RIT2: variants seen among roughly 807,000 people sequenced by gnomAD.
RIT2 encodes GTP-binding protein Rit2.
In RIT2, 24 loss-of-function variants were observed where a neutral mutation model predicts 23.7. That is an observed-to-expected ratio of 1.01 (90% CI 0.73 to 1.43). The LOEUF (loss-of-function observed/expected upper bound fraction) is 1.43, where lower values mean the gene tolerates loss of function less well. Among genes scored for constraint, RIT2 ranks in the 40% most tolerant of loss-of-function variants. The probability of loss-of-function intolerance (pLI) is 0.00; values close to 1 mark genes in which losing one functional copy is unlikely to be tolerated. For synonymous variants in RIT2, 107 were observed against 91.1 expected, an observed-to-expected ratio of 1.17 and a Z score of -0.99; for missense variants, 236 against 266.9, an observed-to-expected ratio of 0.88 and a Z score of 0.81.
At chr18:42,836,231 T>A (rs1248349297) in intron 4 of RIT2, among the ~76,000 whole-genome samples, 1 of 152,180 alleles carries the variant, frequency 6.6e-6, no homozygotes, top group African/African-American at 2.4e-5. Flanking sequence ...TAAGTCTCCT[T>A]CCTTTCTTGT....
chr18:43,004,377 T>C (rs1598745143), intron 2 of RIT2, among the ~76,000 whole-genome samples: 1 of 152,010 alleles, frequency 6.6e-6, no homozygotes, highest in East Asian at 2.0e-4. Flanking sequence ...AGGTGTTTTA[T>C]GCAAACGTGA....
At chr18:43,094,501 C>G (rs1434287277) in intron 1 of RIT2, among the ~76,000 whole-genome samples, 1 of 151,822 alleles carries the variant, frequency 6.6e-6, no homozygotes, top group South Asian at 2.1e-4. Flanking sequence ...TTCAAGGAAA[C>G]AGGATTTTTA....
At chr18:43,040,122 A>G (rs1449193973) in intron 1 of RIT2, among the ~76,000 whole-genome samples, 1 of 152,140 alleles carries the variant, frequency 6.6e-6, no homozygotes, top group Non-Finnish European at 1.5e-5. Context: ...CACCCATAAA[A>G]CACCTATTGA....
rs1912845307 is a variant in RIT2, at chr18:42,743,577, C to T, written c.570G>A (p.Leu190=). 1 of 1,613,908 alleles carries T rather than the reference C, an allele frequency of 6.2e-7. No homozygotes were observed. The highest frequency in any genetic ancestry group is 1.7e-5 in the Admixed American group (1 of 59,978). Residue 190 remains leucine (L), a synonymous_variant, in exon 5 of 5, where the codon TTG becomes TTA. Transcript: ENST00000326695. ...CTTTTCTCTTCAGTTTCTTTTCCAT[C>T]AAGGATGGCATGGACTCCTTCTTGC... ...EIRKKESMPS[L]MEKKLKRKDS...
chr18:42,968,765 G>A (rs1348072449), intron 3 of RIT2, among the ~76,000 whole-genome samples: 1 of 152,078 alleles, frequency 6.6e-6, no homozygotes, highest in African/African-American at 2.4e-5. Context: ...CTTCTAGATG[G>A]ACTAGGTAAT....
intron 1 of RIT2, among the ~76,000 whole-genome samples, chr18:43,081,747 A>C (rs777599557): frequency 2.0e-5 from 3 of 152,158 alleles, no homozygotes; most frequent in Admixed American, 6.6e-5. Context: ...TTCATGAATA[A>C]CAGATTTATT....
intron 4 of RIT2, among the ~76,000 whole-genome samples, chr18:42,810,459 CT>C (rs377432468): frequency 1.3e-5 from 2 of 150,846 alleles, no homozygotes; most frequent in African/African-American, 4.9e-5. Context: ...TTTTTTTTTC[CT>C]GAAGAGCTTC....
chr18:42,884,882 C>T (rs902080569), intron 4 of RIT2, among the ~76,000 whole-genome samples: 2 of 152,184 alleles, frequency 1.3e-5, no homozygotes, highest in Non-Finnish European at 2.9e-5. Flanking sequence ...TTCCAATCAA[C>T]CTTCTTTAAA....
chr18:42,919,925 A>G (rs976636911), intron 4 of RIT2, among the ~76,000 whole-genome samples: 22 of 152,118 alleles, frequency 1.4e-4, no homozygotes, highest in South Asian at 6.2e-4. Flanking sequence ...GAGCTCAAGG[A>G]CCTAATGTTG....
chr18:42,838,404 G>A (rs1906675266), intron 4 of RIT2, among the ~76,000 whole-genome samples: 2 of 151,906 alleles, frequency 1.3e-5, no homozygotes, highest in African/African-American at 4.8e-5. Context: ...ACTTCTAGAA[G>A]TTCTTCTTCA....
intron 4 of RIT2, among the ~76,000 whole-genome samples, chr18:42,753,669 G>T (rs1349954706): frequency 6.6e-6 from 1 of 152,084 alleles, no homozygotes; most frequent in Admixed American, 6.6e-5. Context: ...AGAAATTTGT[G>T]AACAACACAT....
intron 4 of RIT2, among the ~76,000 whole-genome samples, chr18:42,861,858 T>C (rs761724221): frequency 2.0e-5 from 3 of 152,172 alleles, no homozygotes; most frequent in Non-Finnish European, 4.4e-5. Flanking sequence ...TAGAACACCT[T>C]ATCTCCTTTA....
intron 4 of RIT2, among the ~76,000 whole-genome samples, chr18:42,791,187 A>T (rs1385685452): frequency 6.6e-6 from 1 of 152,214 alleles, no homozygotes; most frequent in African/African-American, 2.4e-5. Context: ...CATATAAGAT[A>T]ATCTAATTTT....
intron 4 of RIT2, among the ~76,000 whole-genome samples, chr18:42,892,909 C>T (rs1908219346): frequency 6.6e-6 from 1 of 152,122 alleles, no homozygotes; most frequent in Non-Finnish European, 1.5e-5. Flanking sequence ...AAAGAACTAA[C>T]ACTAATTGTC....
chr18:42,882,448 G>A (rs1373803620), intron 4 of RIT2, among the ~76,000 whole-genome samples: 1 of 152,150 alleles, frequency 6.6e-6, no homozygotes, highest in Admixed American at 6.6e-5. Context: ...CTGTCCATAT[G>A]CTTTAAAGAC....
intron 4 of RIT2, among the ~76,000 whole-genome samples, chr18:42,795,404 C>G (rs367640792): frequency 2.0e-5 from 3 of 152,198 alleles, no homozygotes; most frequent in East Asian, 3.9e-4. Flanking sequence ...TGTACTGGGT[C>G]CCCTAGCAGT....
chr18:42,950,717 C>T (rs764752918), intron 3 of RIT2, among the ~76,000 whole-genome samples: 1 of 151,566 alleles, frequency 6.6e-6, no homozygotes, highest in East Asian at 1.9e-4. Context: ...CAAATAACCC[C>T]ATTTTAAAAA....
At chr18:43,040,865 G>A (rs1439690756) in intron 1 of RIT2, among the ~76,000 whole-genome samples, 1 of 151,988 alleles carries the variant, frequency 6.6e-6, no homozygotes, top group African/African-American at 2.4e-5. Context: ...TGGCTTTAAT[G>A]TTACTCTGTA....
intron 4 of RIT2, among the ~76,000 whole-genome samples, chr18:42,776,721 C>CA (rs146192810): frequency 0.016 from 2,465 of 152,088 alleles, 73 homozygotes; most frequent in African/African-American, 0.057. Context: ...AGCCTAAATT[C>CA]AATTTAAGAA....
Sources: gnomAD v4.1 joint callset for allele counts (sites outside exome capture counted in the v4.1 genomes callset) on GRCh38, gnomAD v4.1.1 for gene constraint, MANE v1.5 for transcripts, NCBI Gene and HGNC (gene_info 2026-07-23, HGNC 2026-07-21) for gene names.